RHCE: variants seen among roughly 807,000 people sequenced by gnomAD.
RHCE encodes the protein Rh blood group CcEe antigens, also known as blood group Rh(CE) polypeptide.
A neutral mutation model predicts 43.8 loss-of-function variants in RHCE; 22 were observed. That is an observed-to-expected ratio of 0.50 (90% CI 0.36 to 0.72). The LOEUF (loss-of-function observed/expected upper bound fraction) is 0.72. Among genes scored for constraint, RHCE ranks in the 30% least tolerant of loss-of-function variants. RHCE has a pLI of 0.00. For synonymous variants in RHCE, 156 were observed against 210.7 expected (o/e 0.74, Z 2.25); for missense variants, 385 against 525.4 (o/e 0.73, Z 2.61).
intron 7 of RHCE, among the ~76,000 whole-genome samples, chr1:25,379,487 ATATATATATTTTTTTTTTTTTTT>A (rs1374226441): frequency 1.4e-4 from 3 of 20,968 alleles, no homozygotes; most frequent in East Asian, 5.2e-3. Flanking sequence ...ATATATATAT[ATATATATATTTTTTTTTTTTTTT>A]TTTTTTTTTT....
At chr1:25,426,958 G>A (rs2042809105) in intron 2 of RHCE, among the ~76,000 whole-genome samples, 2 of 152,086 alleles carry the variant, frequency 1.3e-5, no homozygotes, top group African/African-American at 4.8e-5. Context: ...TCTGGAGGCT[G>A]AGGCAGGAGA....
chr1:25,390,935 G>T lies in RHCE; in HGVS notation c.635-20C>A. On this transcript the variant is annotated intron_variant, in intron 4 of 9. Coordinates refer to ENST00000294413, the MANE Select transcript of RHCE (RefSeq NM_020485.8). ...GGGCGCCTGGGGGCCAGAGAGGGTG[G>T]TTGGCCAGAATCACACTCCTGCTCC... 6.2e-7 allele frequency: 1 copy of T among 1,614,122 alleles called. No homozygotes were observed. The highest frequency in any genetic ancestry group is 8.5e-7 in the Non-Finnish European group (1 of 1,180,016).
intron 1 of RHCE, among the ~76,000 whole-genome samples, chr1:25,418,328 C>T (rs577676948): frequency 6.6e-6 from 1 of 151,668 alleles, no homozygotes; most frequent in East Asian, 2.0e-4. Context: ...ACACCCAGTC[C>T]CTGCTCTCCT....
intron 1 of RHCE, among the ~76,000 whole-genome samples, chr1:25,416,425 A>G (rs1247223413): frequency 1.3e-5 from 2 of 151,384 alleles, no homozygotes; most frequent in Admixed American, 1.3e-4. Context: ...CACCATACCC[A>G]GCTAATTTTT....
intron 7 of RHCE, among the ~76,000 whole-genome samples, chr1:25,379,491 ATATATTT>A (rs1557605637): frequency 5.5e-5 from 1 of 18,288 alleles, no homozygotes. Context: ...ATATATATAT[ATATATTT>A]TTTTTTTTTT....
In RHCE at chr1:25,410,390, T is replaced by C. The variant is rs553524136; in HGVS notation, c.149-1521A>G. ...TCTCTAACTTTGGGAGATGTTTTAC[T>C]TTTTTAGTTTTAGTGTTTAAATTTT... On this transcript the variant is annotated intron_variant, in intron 1 of 9. Transcript: ENST00000294413. Among the ~76,000 whole-genome samples the C allele has an allele frequency of 6.6e-4, 101 of 152,292 alleles. 2 individuals are homozygous for C. In the South Asian group the frequency reaches 0.02, roughly 30 times the overall value.
intron 1 of RHCE, among the ~76,000 whole-genome samples, chr1:25,410,888 G>C (rs993478860): frequency 3.9e-5 from 6 of 151,950 alleles, no homozygotes; most frequent in Admixed American, 2.6e-4. Flanking sequence ...TCAGCAGTTC[G>C]AGACTAGCCT....
chr1:25,376,347 G>A (rs2124341350), intron 7 of RHCE, among the ~76,000 whole-genome samples: 1 of 152,302 alleles, frequency 6.6e-6, no homozygotes, highest in East Asian at 1.9e-4. Context: ...CCCGTTCACT[G>A]CAGCCCCACG....
At chr1:25,401,390 A>G (rs1252611828) in intron 3 of RHCE, among the ~76,000 whole-genome samples, 1 of 152,148 alleles carries the variant, frequency 6.6e-6, no homozygotes, top group East Asian at 1.9e-4. Context: ...CTTCTAAGCC[A>G]GGCTGGAACT....
upstream of RHCE, among the ~76,000 whole-genome samples, chr1:25,424,143 A>G (rs1394720202): frequency 6.6e-6 from 1 of 152,200 alleles, no homozygotes. Context: ...ATTTTGCCCA[A>G]CCGTAGGCTA....
intron 8 of RHCE, among the ~76,000 whole-genome samples, chr1:25,373,014 C>G (rs891467414): frequency 1.3e-5 from 2 of 151,396 alleles, no homozygotes; most frequent in Non-Finnish European, 2.9e-5. Context: ...TAGGATTGCC[C>G]TGGCTTGAAC....
At chr1:25,383,093 C>T (rs3118461) in intron 7 of RHCE, among the ~76,000 whole-genome samples, 1 of 152,132 alleles carries the variant, frequency 6.6e-6, no homozygotes, top group Non-Finnish European at 1.5e-5. Context: ...AGATTCTCAG[C>T]CCAAGTGGGG....
intron 1 of RHCE, among the ~76,000 whole-genome samples, chr1:25,416,329 T>A (rs1287590749): frequency 4.6e-5 from 7 of 152,106 alleles, no homozygotes; most frequent in Non-Finnish European, 2.9e-5. Context: ...AGTGGTGTAA[T>A]CTCAGCTCAC....
chr1:25,385,915 C>A lies in RHCE; in HGVS notation c.940-71G>T, dbSNP rs1439982062. Reference sequence around the variant, plus strand: ...ATTCCCTACCCACCCCTTTCACACACCCTTGGTATCCGGCGCCACCAAATG... The same window carrying A: ...ATTCCCTACCCACCCCTTTCACACAACCTTGGTATCCGGCGCCACCAAATG... On this transcript the variant is annotated intron_variant, in intron 6 of 9. Transcript: ENST00000294413. 7.4e-6 allele frequency: 12 copies of A among 1,611,580 alleles called. No homozygotes were observed. The African/African-American group carries it at 1.6e-4, about 22-fold the overall frequency.
chr1:25,387,814 G>C (rs1004410293), intron 6 of RHCE, among the ~76,000 whole-genome samples: 7 of 151,490 alleles, frequency 4.6e-5, no homozygotes, highest in African/African-American at 1.7e-4. Flanking sequence ...ATTCCACTCT[G>C]TATATAAAAC....
At chr1:25,422,476 GCTAA>G (rs1366481228), upstream of RHCE, among the ~76,000 whole-genome samples, 2 of 152,192 alleles carry the variant, frequency 1.3e-5, no homozygotes, top group East Asian at 1.9e-4. Context: ...CATTTTCAGA[GCTAA>G]CTGTTACTAA....
chr1:25,362,495 G>T lies in RHCE; in HGVS notation c.*32C>A, dbSNP rs775429475. ...AGTGAGAGGAAGTTGTCTTGTTTTT[G>T]AACAGGCCTTGTTTTTCTTGGATGC... is the stretch of plus-strand genomic sequence containing the variant. On this transcript the variant is annotated 3_prime_UTR_variant, in exon 10 of 10. Coordinates refer to ENST00000294413, the MANE Select transcript of RHCE (RefSeq NM_020485.8). 1.9e-6 allele frequency: 3 copies of T among 1,587,730 alleles called. No homozygotes were observed. The highest frequency in any genetic ancestry group is 2.3e-5 in the South Asian group (2 of 87,642).
chr1:25,382,865 TA>T (rs1410557374), intron 7 of RHCE, among the ~76,000 whole-genome samples: 5 of 152,154 alleles, frequency 3.3e-5, no homozygotes, highest in East Asian at 3.8e-4. Flanking sequence ...GAGATGCTAT[TA>T]AAAATTTTTT....
chr1:25,429,228 T>TTG (rs1253986034), intron 1 of RHCE, among the ~76,000 whole-genome samples: 1 of 146,152 alleles, frequency 6.8e-6, no homozygotes, highest in African/African-American at 2.7e-5. Context: ...GAAGTTTTTT[T>TTG]TTTTTTTTTT....
Sources: gnomAD v4.1 joint callset for allele counts (sites outside exome capture counted in the v4.1 genomes callset) on GRCh38, gnomAD v4.1.1 for gene constraint, MANE v1.5 for transcripts, NCBI Gene and HGNC (gene_info 2026-07-23, HGNC 2026-07-21) for gene names.